UVRAG: variants seen among roughly 807,000 people sequenced by gnomAD.
UVRAG encodes UV radiation resistance-associated gene protein.
UVRAG carries 19 observed loss-of-function variants against 78.0 expected under a neutral mutation model. That is an observed-to-expected ratio of 0.24 (90% confidence interval 0.17 to 0.36). UVRAG has a LOEUF of 0.36. Among genes scored for constraint, UVRAG ranks in the 10% least tolerant of loss-of-function variants. The pLI, the probability that UVRAG is intolerant of heterozygous loss-of-function variation, is 1.00. For synonymous variants in UVRAG, 323 were observed against 324.6 expected (o/e 1.00, Z 0.05); for missense variants, 740 against 853.8 (o/e 0.87, Z 1.66).
At chr11:75,877,725 C>T (rs563927852) in intron 3 of UVRAG, among the ~76,000 whole-genome samples, 1,981 of 137,316 alleles carry the variant, frequency 0.014, 35 homozygotes, top group Middle Eastern at 0.021. Flanking sequence ...GGCGGCTGGC[C>T]GGGCGGGGGG....
chr11:75,915,621 G>A (rs1331635000), intron 6 of UVRAG, among the ~76,000 whole-genome samples: 2 of 152,024 alleles, frequency 1.3e-5, no homozygotes, highest in Admixed American at 6.6e-5. Flanking sequence ...AGAAAAGTAC[G>A]GGACTAAAAT....
chr11:75,932,221 G>A (rs1001163052), intron 6 of UVRAG, among the ~76,000 whole-genome samples: 2 of 151,860 alleles, frequency 1.3e-5, no homozygotes, highest in Admixed American at 6.6e-5. Flanking sequence ...TAAGCAAATT[G>A]GAAAGGAAGA....
intron 14 of UVRAG, among the ~76,000 whole-genome samples, chr11:76,140,112 C>CCTCTCTCTCTCTCT (rs745755879): frequency 8.9e-5 from 1 of 11,292 alleles, no homozygotes; most frequent in African/African-American, 4.9e-4. Flanking sequence ...TCCCTCCCTC[C>CCTCTCTCTCTCTCT]CTCTCTCTCT....
At chr11:76,000,778 A>T (rs1441950458) in intron 8 of UVRAG, among the ~76,000 whole-genome samples, 1 of 152,228 alleles carries the variant, frequency 6.6e-6, no homozygotes, top group African/African-American at 2.4e-5. Flanking sequence ...ATAAAGAGGG[A>T]TATTACATTT....
rs925095511 is a variant in UVRAG, at chr11:75,878,831, G to A, written c.271-1048G>A. Among the ~76,000 whole-genome samples, 7 of 149,008 alleles carry A rather than the reference G, an allele frequency of 4.7e-5. No individual in the cohort carries two copies. In the South Asian group the frequency reaches 8.6e-4, roughly 18 times the overall value. ...CAGCAGTACAGTCCAGCTTCAGCTC[G>A]GCATCAGAGGGAGACCATGGAAAGA... On this transcript the variant is annotated intron_variant, in intron 3 of 14. Coordinates refer to ENST00000356136, the MANE Select transcript of UVRAG (RefSeq NM_003369.4).
chr11:75,822,663 G>GTTT (rs534019074), intron 1 of UVRAG, among the ~76,000 whole-genome samples: 4 of 137,268 alleles, frequency 2.9e-5, no homozygotes, highest in South Asian at 4.7e-4. Flanking sequence ...TGCACTTACT[G>GTTT]TTTTTTTTTT....
rs561940844 is a variant in UVRAG, at chr11:75,897,669, A to T, written c.507+8766A>T. Among the ~76,000 whole-genome samples the T allele has an allele frequency of 2.7e-5, 4 of 150,576 alleles. No individual in the cohort carries two copies. In the South Asian group the frequency reaches 8.4e-4, roughly 32 times the overall value. ...CTCCCGAGTAGCTGGGATTATAGGC[A>T]TCCGCCACCACACCCAGCTAATTTT... On this transcript the variant is annotated intron_variant, in intron 5 of 14. Coordinates refer to ENST00000356136, the MANE Select transcript of UVRAG (RefSeq NM_003369.4).
chr11:75,970,906 C>T (rs1949110219), intron 7 of UVRAG, among the ~76,000 whole-genome samples: 1 of 152,048 alleles, frequency 6.6e-6, no homozygotes, highest in South Asian at 2.1e-4. Context: ...TTAGGGTTTA[C>T]TCTTTATGTT....
At chr11:76,078,577 T>G (rs1951440690) in intron 13 of UVRAG, among the ~76,000 whole-genome samples, 1 of 151,558 alleles carries the variant, frequency 6.6e-6, no homozygotes, top group African/African-American at 2.4e-5. Flanking sequence ...ATGAAATGAT[T>G]TAATGGAAAG....
At chr11:75,878,946 T>A (rs1946879482) in intron 3 of UVRAG, among the ~76,000 whole-genome samples, 1 of 151,010 alleles carries the variant, frequency 6.6e-6, no homozygotes, top group Non-Finnish European at 1.5e-5. Flanking sequence ...GGAGACCCCC[T>A]TATGTTTAAT....
chr11:76,060,576 G>A (rs990798385), intron 12 of UVRAG, among the ~76,000 whole-genome samples: 9 of 152,236 alleles, frequency 5.9e-5, no homozygotes, highest in Non-Finnish European at 1.0e-4. Flanking sequence ...AGAGGCGCGA[G>A]CGGGAACCAG....
intron 1 of UVRAG, 34 bp downstream of exon 1, chr11:75,815,558 AC>A (rs1945241907): frequency 1.7e-6 from 2 of 1,200,876 alleles, no homozygotes; most frequent in Non-Finnish European, 2.1e-6. Flanking sequence ...CTCGGGAGGG[AC>A]CCGGGCAGGC....
intron 6 of UVRAG, among the ~76,000 whole-genome samples, chr11:75,931,599 T>C (rs1948242337): frequency 1.3e-5 from 2 of 152,210 alleles, no homozygotes; most frequent in East Asian, 3.8e-4. Context: ...CCTCCCAACC[T>C]TGACCCAGTC....
At chr11:75,858,797 T>C (rs1188382041) in intron 2 of UVRAG, among the ~76,000 whole-genome samples, 1 of 152,190 alleles carries the variant, frequency 6.6e-6, no homozygotes, top group Non-Finnish European at 1.5e-5. Flanking sequence ...GAAAAATAAT[T>C]TTGCAGTATA....
Position 76,005,342 on chromosome 11 carries a change from T to TAA in UVRAG, c.911+1264_911+1265dup, listed in dbSNP as rs1012224017. 8.3e-5 allele frequency among the ~76,000 whole-genome samples: 12 copies of TAA among 145,256 alleles called. No homozygotes were observed. In the South Asian group the frequency reaches 2.0e-3, roughly 24 times the overall value. ...TGGGCGACAGAGCGAGACGCCATCT[T>TAA]AAAAAAAAAAAAGTGCTAGACCTAT... On this transcript the variant is annotated intron_variant, in intron 9 of 14. Transcript: ENST00000356136.
chr11:76,142,699 C>T lies in UVRAG; in HGVS notation c.*1286C>T, dbSNP rs998040338. The T allele has an allele frequency of 3.3e-5, 5 of 152,232 alleles. No individual in the cohort carries two copies. Among genetic ancestry groups the T allele is most frequent in the East Asian group, 1.9e-4 (1 of 5,200 alleles). The allele number at this position is 152,232 out of a possible 1,614,324, so 9.4% of individuals were successfully genotyped here. Reference sequence around the variant, plus strand: ...AGCTTGGAAATTCCTCTTGAACCTACGTCTCCATATGTCACATCATGACAG... The same window carrying T: ...AGCTTGGAAATTCCTCTTGAACCTATGTCTCCATATGTCACATCATGACAG... On this transcript the variant is annotated 3_prime_UTR_variant, in exon 15 of 15. Coordinates refer to ENST00000356136, the MANE Select transcript of UVRAG (RefSeq NM_003369.4).
intron 12 of UVRAG, among the ~76,000 whole-genome samples, chr11:76,040,988 G>A (rs1391396814): frequency 6.6e-6 from 1 of 152,120 alleles, no homozygotes; most frequent in East Asian, 1.9e-4. Context: ...ACCCTAGAAA[G>A]ACTGATTAAC....
chr11:75,976,535 C>A (rs939994853), intron 7 of UVRAG, among the ~76,000 whole-genome samples: 8 of 152,194 alleles, frequency 5.3e-5, no homozygotes, highest in Non-Finnish European at 1.2e-4. Flanking sequence ...ATTATTGCCT[C>A]AATTTCAGAG....
At chr11:75,869,645 A>G (rs1316782585) in intron 3 of UVRAG, among the ~76,000 whole-genome samples, 1 of 152,242 alleles carries the variant, frequency 6.6e-6, no homozygotes, top group Admixed American at 6.5e-5. Flanking sequence ...AAAACATGTA[A>G]AAGTGTTATT....
Sources: gnomAD v4.1 joint callset for allele counts (sites outside exome capture counted in the v4.1 genomes callset) on GRCh38, gnomAD v4.1.1 for gene constraint, MANE v1.5 for transcripts, NCBI Gene and HGNC (gene_info 2026-07-23, HGNC 2026-07-21) for gene names.